Variants in CLDN10 observed in about 807,000 individuals in gnomAD.
CLDN10 encodes the protein claudin 10.
CLDN10 carries 15 observed loss-of-function variants against 22.9 expected under a neutral mutation model. That is an observed-to-expected ratio of 0.65 (90% CI 0.44 to 1.01). The LOEUF (loss-of-function observed/expected upper bound fraction) is 1.01. CLDN10 is among the 50% of genes least tolerant of loss of function. The pLI is 0.00. For synonymous variants in CLDN10, 114 were observed against 111.4 expected (o/e 1.02, Z -0.15); for missense variants, 247 against 287.8 (o/e 0.86, Z 1.03).
intron 1 of CLDN10, among the ~76,000 whole-genome samples, chr13:95,465,574 C>T (rs542649823): frequency 1.7e-4 from 26 of 152,164 alleles, no homozygotes; most frequent in Non-Finnish European, 3.1e-4. Context: ...TACTCACTGG[C>T]CACCTGGCAG....
intron 1 of CLDN10, among the ~76,000 whole-genome samples, chr13:95,545,128 G>T (rs541980152): frequency 9.9e-5 from 15 of 151,998 alleles, no homozygotes; most frequent in African/African-American, 2.9e-4. Flanking sequence ...TTTTTCTTCA[G>T]CATCAAACTC....
chr13:95,537,400 G>A (rs909177957), intron 1 of CLDN10, among the ~76,000 whole-genome samples: 4 of 152,040 alleles, frequency 2.6e-5, no homozygotes, highest in African/African-American at 9.7e-5. Flanking sequence ...CGAACAGAGG[G>A]GATCAAGTGA....
intron 1 of CLDN10, among the ~76,000 whole-genome samples, chr13:95,471,251 G>A (rs1418421955): frequency 6.6e-6 from 1 of 151,902 alleles, no homozygotes; most frequent in Admixed American, 6.6e-5. Flanking sequence ...TGACTGTCTC[G>A]AGATGACTCA....
At chr13:95,503,286 A>T (rs571826348) in intron 1 of CLDN10, among the ~76,000 whole-genome samples, 3 of 152,244 alleles carry the variant, frequency 2.0e-5, no homozygotes, top group Admixed American at 6.5e-5. Flanking sequence ...TAAAGAAAAA[A>T]ACATTAGAGG....
chr13:95,573,992 T>C (rs142743740), intron 3 of CLDN10, among the ~76,000 whole-genome samples: 1,565 of 152,182 alleles, frequency 0.01, 29 homozygotes, highest in African/African-American at 0.036. Flanking sequence ...GTCCTTGTGA[T>C]AGTTTGCTGA....
rs114901314 is a variant in CLDN10 at position 95,571,860 on chromosome 13, T to C, written c.465-5371T>C. Among the ~76,000 whole-genome samples the C allele has an allele frequency of 9.9e-3, 1,501 of 152,274 alleles. 18 individuals are homozygous for C. Among genetic ancestry groups the C allele is most frequent in the Middle Eastern group, 0.02 (6 of 294 alleles). ...TGTAAAAAAACCTATGTAGTTATTT[T>C]AAGGTAATTGGAAAATGCATTTTGG... On this transcript the variant is annotated intron_variant, in intron 3 of 4. Transcript: ENST00000299339.
chr13:95,460,244 C>A (rs910028587), intron 1 of CLDN10, among the ~76,000 whole-genome samples: 5 of 152,186 alleles, frequency 3.3e-5, no homozygotes, highest in South Asian at 2.1e-4. Flanking sequence ...TTCTTTTGAA[C>A]CTTCCAAACT....
At chr13:95,564,125 T>C (rs1028500931) in intron 3 of CLDN10, among the ~76,000 whole-genome samples, 17 of 152,240 alleles carry the variant, frequency 1.1e-4, no homozygotes, top group African/African-American at 3.9e-4. Context: ...GATGCCACTA[T>C]AGGAATGTTC....
intron 1 of CLDN10, among the ~76,000 whole-genome samples, chr13:95,558,371 A>G (rs777701476): frequency 3.2e-4 from 49 of 152,212 alleles, no homozygotes; most frequent in Non-Finnish European, 7.3e-5. Flanking sequence ...CCTGCAGCAC[A>G]ATGATTGCTA....
At chr13:95,518,303 C>T (rs1377133502) in intron 1 of CLDN10, among the ~76,000 whole-genome samples, 1 of 152,152 alleles carries the variant, frequency 6.6e-6, no homozygotes, top group East Asian at 1.9e-4. Context: ...AGATGTTACT[C>T]AAACTGTTTT....
chr13:95,553,684 G>A (rs993427373), intron 1 of CLDN10, among the ~76,000 whole-genome samples: 2 of 152,180 alleles, frequency 1.3e-5, no homozygotes, highest in Admixed American at 6.5e-5. Flanking sequence ...GCGTGGCGCC[G>A]GGAGCTGACC....
intron 1 of CLDN10, among the ~76,000 whole-genome samples, chr13:95,452,000 C>T (rs1291453548): frequency 6.6e-6 from 1 of 152,210 alleles, no homozygotes; most frequent in Non-Finnish European, 1.5e-5. Context: ...TTGCTCTTAG[C>T]GGCTCACCCT....
intron 3 of CLDN10, among the ~76,000 whole-genome samples, chr13:95,563,095 A>T (rs371957199): frequency 8.4e-4 from 107 of 128,014 alleles, no homozygotes; most frequent in Non-Finnish European, 1.0e-3. Flanking sequence ...CTGCCTACCC[A>T]CTCTCTCTCT....
At chr13:95,512,381 A>T (rs937782901) in intron 1 of CLDN10, among the ~76,000 whole-genome samples, 2 of 152,190 alleles carry the variant, frequency 1.3e-5, no homozygotes, top group East Asian at 1.9e-4. Context: ...GTCATCTTAG[A>T]TAAAGATTCT....
chr13:95,570,314 A>G (rs1405094961), intron 3 of CLDN10, among the ~76,000 whole-genome samples: 1 of 152,126 alleles, frequency 6.6e-6, no homozygotes, highest in Non-Finnish European at 1.5e-5. Context: ...AAACCCCCCA[A>G]TTATCCACAC....
chr13:95,457,165 GC>G, intron 1 of CLDN10, among the ~76,000 whole-genome samples: 1 of 152,172 alleles, frequency 6.6e-6, no homozygotes, highest in South Asian at 2.1e-4. Flanking sequence ...TGTTTCTTTA[GC>G]AGGACTATGT....
intron 3 of CLDN10, among the ~76,000 whole-genome samples, chr13:95,564,350 A>G (rs1190313849): frequency 6.6e-6 from 1 of 152,194 alleles, no homozygotes; most frequent in African/African-American, 2.4e-5. Flanking sequence ...TCTTCTTCCC[A>G]TTATTATCTT....
intron 1 of CLDN10, among the ~76,000 whole-genome samples, chr13:95,450,054 T>G (rs2042419510): frequency 6.6e-6 from 1 of 152,172 alleles, no homozygotes; most frequent in South Asian, 2.1e-4. Context: ...AAAATTTTTT[T>G]GTAGAGACAG....
intron 1 of CLDN10, among the ~76,000 whole-genome samples, chr13:95,498,993 CT>C (rs2042956044): frequency 6.6e-6 from 1 of 152,186 alleles, no homozygotes; most frequent in African/African-American, 2.4e-5. Context: ...CCTTTTGTGA[CT>C]GGCTTTTCAC....
Sources: gnomAD v4.1 joint callset for allele counts (sites outside exome capture counted in the v4.1 genomes callset) on GRCh38, gnomAD v4.1.1 for gene constraint, MANE v1.5 for transcripts, NCBI Gene and HGNC (gene_info 2026-07-23, HGNC 2026-07-21) for gene names.